The following SNRK variants were observed in gnomAD, a reference collection of about 807,000 sequenced individuals.
The protein encoded by SNRK is SNF related kinase.
In SNRK, 3 loss-of-function variants were observed where a neutral mutation model predicts 48.2. The ratio of observed to expected loss-of-function variants is 0.06; its 90% CI spans 0.03 to 0.16. The LOEUF (loss-of-function observed/expected upper bound fraction) is 0.16. SNRK is among the 10% of genes least tolerant of loss of function. The probability of loss-of-function intolerance (pLI) is 1.00; values close to 1 mark genes in which losing one functional copy is unlikely to be tolerated. For missense variants in SNRK, 627 were observed against 976.0 expected, an observed-to-expected ratio of 0.64 and a Z score of 4.76; for synonymous variants, 376 against 366.1, an observed-to-expected ratio of 1.03 and a Z score of -0.31.
chr3:43,343,284 G>A (rs2091251118), intron 5 of SNRK, 60 bp from the exon 6 acceptor site: 8 of 1,514,298 alleles, frequency 5.3e-6, no homozygotes, highest in Non-Finnish European at 7.1e-6. Context: ...AATCAATTCT[G>A]CTTCTTGTAA....
chr3:43,345,617 G>A (rs1393233502), intron 6 of SNRK, among the ~76,000 whole-genome samples: 3 of 152,162 alleles, frequency 2.0e-5, no homozygotes, highest in Non-Finnish European at 4.4e-5. Context: ...GAGTCCAGGG[G>A]CAGGGTCCTA....
intron 3 of SNRK, among the ~76,000 whole-genome samples, chr3:43,310,022 G>A (rs2090967789): frequency 6.6e-6 from 1 of 151,984 alleles, no homozygotes; most frequent in Non-Finnish European, 1.5e-5. Flanking sequence ...AACTTTTTAT[G>A]CACTGGGAAA....
Position 43,350,968 on chromosome 3 carries a change from A to G in SNRK, c.*2411A>G, listed in dbSNP as rs1284893863. 6.6e-6 allele frequency: 1 copy of G among 152,638 alleles called. No homozygotes were observed. Among genetic ancestry groups the G allele is most frequent in the African/African-American group, 2.4e-5 (1 of 41,442 alleles). The allele number at this position is 152,638 out of a possible 1,614,324, so 9.5% of individuals were successfully genotyped here. A position where few individuals can be genotyped will look rare whatever the true frequency, so the allele number is the denominator to read the frequency against. On this transcript the variant is annotated 3_prime_UTR_variant, in exon 7 of 7. Transcript: ENST00000296088. ...TAGCTGTGAGACCGAATTAAAGATA[A>G]TCCCTACCAAGTGAAAATTGATGTG...
At chr3:43,343,048 C>A (rs926399871) in intron 5 of SNRK, among the ~76,000 whole-genome samples, 1 of 152,108 alleles carries the variant, frequency 6.6e-6, no homozygotes, top group African/African-American at 2.4e-5. Flanking sequence ...AATGCGTGCA[C>A]TTATCTTATG....
intron 2 of SNRK, among the ~76,000 whole-genome samples, chr3:43,300,786 C>T (rs1441210025): frequency 6.6e-6 from 1 of 152,088 alleles, no homozygotes; most frequent in Admixed American, 6.6e-5. Flanking sequence ...AATTTGCTTC[C>T]CCCCACACAC....
At chr3:43,337,480 G>A (rs191967676) in intron 4 of SNRK, among the ~76,000 whole-genome samples, 50 of 151,930 alleles carry the variant, frequency 3.3e-4, no homozygotes, top group African/African-American at 1.1e-3. Context: ...GAATGCCTCA[G>A]TGCAATCATG....
At chr3:43,325,090 C>T (rs1424185663) in intron 3 of SNRK, among the ~76,000 whole-genome samples, 1 of 152,228 alleles carries the variant, frequency 6.6e-6, no homozygotes, top group African/African-American at 2.4e-5. Flanking sequence ...TTTTTATCAA[C>T]TGGTGTTTTA....
chr3:43,289,460 G>A (rs777594793), intron 1 of SNRK, among the ~76,000 whole-genome samples: 1 of 152,196 alleles, frequency 6.6e-6, no homozygotes, highest in Non-Finnish European at 1.5e-5. Flanking sequence ...AAGGATTTTG[G>A]TGAGGTGTTT....
chr3:43,295,705 G>A (rs748999541), intron 1 of SNRK, among the ~76,000 whole-genome samples: 7 of 152,076 alleles, frequency 4.6e-5, no homozygotes, highest in Non-Finnish European at 7.4e-5. Context: ...ACTCCTAGGA[G>A]GAGGCATGCT....
intron 6 of SNRK, among the ~76,000 whole-genome samples, chr3:43,343,860 C>T (rs1432506187): frequency 6.6e-6 from 1 of 152,142 alleles, no homozygotes; most frequent in Admixed American, 6.5e-5. Flanking sequence ...AATTTTCCCT[C>T]AGTTATTTGA....
intron 4 of SNRK, among the ~76,000 whole-genome samples, chr3:43,337,271 C>T (rs570299393): frequency 1.2e-4 from 18 of 150,606 alleles, no homozygotes; most frequent in African/African-American, 3.9e-4. Flanking sequence ...GATGGGGTTT[C>T]GCATTTTGCC....
At chr3:43,334,845 G>A (rs138175238) in intron 4 of SNRK, among the ~76,000 whole-genome samples, 1 of 152,208 alleles carries the variant, frequency 6.6e-6, no homozygotes, top group African/African-American at 2.4e-5. Context: ...GCCTGCCTCG[G>A]CCTCCCAAAG....
At chr3:43,289,931 A>T (rs1410204625) in intron 1 of SNRK, 1 of 152,588 alleles carries the variant, frequency 6.6e-6, no homozygotes, top group Non-Finnish European at 1.5e-5. Context: ...TAAGTTTTGG[A>T]GTATCTTCAG....
At chr3:43,294,826 G>T (rs1378772663) in intron 1 of SNRK, among the ~76,000 whole-genome samples, 1 of 151,888 alleles carries the variant, frequency 6.6e-6, no homozygotes, top group Non-Finnish European at 1.5e-5. Flanking sequence ...GGGAGTTAAA[G>T]TGAGTTTTGA....
rs184123382 is a variant in SNRK, at chr3:43,347,536, C to T, written c.1277C>T (p.Thr426Met). 1.1e-5 allele frequency: 18 copies of T among 1,613,310 alleles called. No individual in the cohort carries two copies. Among genetic ancestry groups the T allele is most frequent in the East Asian group, 4.5e-5 (2 of 44,870 alleles). ...LPELAGPALS[T>M]VPPASLKPTA... Reference sequence around the variant, plus strand: ...GAGTTGGCTGGACCAGCACTCTCTACGGTGCCACCCGCAAGCTTAAAACCC... The same window carrying T: ...GAGTTGGCTGGACCAGCACTCTCTATGGTGCCACCCGCAAGCTTAAAACCC... The change falls in exon 7 of 7, where the codon ACG becomes ATG. Residue 426 changes from threonine (T) to methionine (M), a missense_variant. Thr to Met is a moderately conservative substitution (Grantham distance 81). This residue lies in a region of SNRK where 175 missense variants were observed against 209.7 expected (regional missense o/e 0.83). Coordinates refer to ENST00000296088, the MANE Select transcript of SNRK (RefSeq NM_017719.5). The surrounding 1 kb of genome is among the most constrained non-coding windows in gnomAD (Gnocchi z 5.4).
chr3:43,332,060 G>A (rs1485007078), intron 3 of SNRK, 109 bp from the exon 4 acceptor site: 2 of 788,928 alleles, frequency 2.5e-6, no homozygotes, highest in African/African-American at 3.6e-5. Flanking sequence ...TGTACTTTGA[G>A]ATATAAATGC....
chr3:43,343,673 T>C (rs1490291894), intron 6 of SNRK, among the ~76,000 whole-genome samples, 195 bp downstream of exon 6: 1 of 152,032 alleles, frequency 6.6e-6, no homozygotes, highest in East Asian at 1.9e-4. Context: ...AGGGATGCCG[T>C]CCCCTTCTGG....
chr3:43,306,399 TG>T (rs1392115077), intron 3 of SNRK, among the ~76,000 whole-genome samples: 1 of 152,176 alleles, frequency 6.6e-6, no homozygotes, highest in East Asian at 1.9e-4. Context: ...TTCTTTTTTT[TG>T]AATAAGTGTT....
intron 2 of SNRK, among the ~76,000 whole-genome samples, 158 bp from the exon 3 acceptor site, chr3:43,302,940 G>A (rs9846341): frequency 0.98 from 149,307 of 152,248 alleles, 73,278 homozygotes; most frequent in East Asian, 1. Flanking sequence ...AAGTCTAAAT[G>A]TAAAAATAGG....
Sources: gnomAD v4.1 joint callset for allele counts (sites outside exome capture counted in the v4.1 genomes callset) on GRCh38, gnomAD v4.1.1 for gene constraint, gnomAD v4.1.1 regional missense constraint, Gnocchi (gnomAD v3.1) non-coding constraint, MANE v1.5 for transcripts, NCBI Gene and HGNC (gene_info 2026-07-23, HGNC 2026-07-21) for gene names.